The following RBFOX3 variants were observed in gnomAD, a reference collection of about 807,000 sequenced individuals.
RBFOX3 encodes RNA binding fox-1 homolog 3.
In RBFOX3, 17 loss-of-function variants were observed where a neutral mutation model predicts 48.7. That is an observed-to-expected ratio of 0.35 (90% confidence interval 0.24 to 0.52). The LOEUF (loss-of-function observed/expected upper bound fraction) is 0.52. Among genes scored for constraint, RBFOX3 ranks in the 20% least tolerant of loss-of-function variants. The pLI is 0.94. For synonymous variants in RBFOX3, 212 were observed against 209.5 expected (o/e 1.01, Z -0.10); for missense variants, 382 against 497.5 (o/e 0.77, Z 2.21).
intron 9 of RBFOX3, 99 bp from the exon 10 acceptor site, chr17:79,097,844 G>A: frequency 1.5e-6 from 2 of 1,333,606 alleles, no homozygotes; most frequent in East Asian, 2.5e-5. Flanking sequence ...GGAGCCCTTG[G>A]GAACATTCCC....
At chr17:79,572,710 C>A (rs1331294101) in intron 1 of RBFOX3, among the ~76,000 whole-genome samples, 2 of 152,216 alleles carry the variant, frequency 1.3e-5, no homozygotes, top group African/African-American at 4.8e-5. Context: ...TGGCCTACAG[C>A]GGTTTGCAAA....
intron 4 of RBFOX3, among the ~76,000 whole-genome samples, chr17:79,169,758 CTTG>C (rs1330384657): frequency 3.3e-5 from 5 of 152,168 alleles, no homozygotes; most frequent in Non-Finnish European, 7.3e-5. Flanking sequence ...GCATGGTATT[CTTG>C]TTAAGATGGT....
chr17:79,171,011 C>T (rs2049166721), intron 4 of RBFOX3, among the ~76,000 whole-genome samples: 1 of 152,182 alleles, frequency 6.6e-6, no homozygotes, highest in Admixed American at 6.5e-5. Context: ...CCTGAGACAC[C>T]TGCCTAGGTC....
At chr17:79,261,681 C>T (rs2065803821) in intron 3 of RBFOX3, among the ~76,000 whole-genome samples, 2 of 152,218 alleles carry the variant, frequency 1.3e-5, no homozygotes, top group Admixed American at 6.5e-5. Context: ...TGAGCAGCAG[C>T]TCGCACACAG....
intron 2 of RBFOX3, among the ~76,000 whole-genome samples, chr17:79,395,380 A>G (rs2061863764): frequency 6.6e-6 from 1 of 152,166 alleles, no homozygotes; most frequent in African/African-American, 2.4e-5. Context: ...GAGGAACCAC[A>G]CTTCCTGGGG....
intron 9 of RBFOX3, 112 bp downstream of exon 9, chr17:79,101,472 A>C (rs2076424472): frequency 1.0e-6 from 1 of 960,134 alleles, no homozygotes; most frequent in Non-Finnish European, 1.6e-6. Context: ...GACACTGGGG[A>C]CGGAGGCTGC....
chr17:79,505,659 G>A (rs1041363496), intron 1 of RBFOX3, among the ~76,000 whole-genome samples: 110 of 152,328 alleles, frequency 7.2e-4, no homozygotes, highest in African/African-American at 2.6e-3. Context: ...CAAAAGCAGA[G>A]GTGTATGAGC....
At chr17:79,548,034 C>T (rs2090695891) in intron 1 of RBFOX3, among the ~76,000 whole-genome samples, 2 of 152,238 alleles carry the variant, frequency 1.3e-5, no homozygotes, top group African/African-American at 4.8e-5. Flanking sequence ...ATTTCTTTTC[C>T]TGTCTCCACC....
Position 79,391,960 on chromosome 17 carries a change from CT to C in RBFOX3, c.-174-84137del. 6.6e-6 allele frequency among the ~76,000 whole-genome samples: 1 copy of C among 152,208 alleles called. No individual in the cohort carries two copies. ...TTTGCTGAGAAGGCACGTGCTCCCC[CT>C]GGTGGAAGGAAACTTGTATGGCAAC... On this transcript the variant is annotated intron_variant, in intron 2 of 14. Transcript: ENST00000693108. The surrounding 1 kb of genome is among the most constrained non-coding windows in gnomAD (Gnocchi z 5.0).
chr17:79,235,213 T>G (rs913512121), intron 4 of RBFOX3: 2 of 152,092 alleles, frequency 1.3e-5, no homozygotes, highest in Non-Finnish European at 2.9e-5. Flanking sequence ...TACAGAGCAA[T>G]GGACCAATGG....
At chr17:79,211,617 C>T (rs554335418) in intron 4 of RBFOX3, among the ~76,000 whole-genome samples, 5 of 152,302 alleles carry the variant, frequency 3.3e-5, no homozygotes, top group South Asian at 4.1e-4. Flanking sequence ...CTCCTTCCCA[C>T]GCTCAGACTC....
At chr17:79,301,334 G>A (rs181277160) in intron 3 of RBFOX3, among the ~76,000 whole-genome samples, 1 of 152,360 alleles carries the variant, frequency 6.6e-6, no homozygotes, top group Non-Finnish European at 1.5e-5. Flanking sequence ...CCACTGGGGT[G>A]AGCGGCTAAT....
At chr17:79,547,778 C>T (rs906232466) in intron 1 of RBFOX3, among the ~76,000 whole-genome samples, 5 of 152,212 alleles carry the variant, frequency 3.3e-5, no homozygotes, top group African/African-American at 1.2e-4. Flanking sequence ...AGGCAGGGGC[C>T]ACACCACAGC....
intron 1 of RBFOX3, among the ~76,000 whole-genome samples, chr17:79,592,754 T>C (rs2093459569): frequency 6.6e-6 from 1 of 152,220 alleles, no homozygotes; most frequent in African/African-American, 2.4e-5. Flanking sequence ...GGCTGTCGTC[T>C]GTTTCAGACT....
Position 79,115,496 on chromosome 17 carries a change from G to A in RBFOX3, c.220C>T (p.Pro74Ser). 1 of 1,328,442 alleles carries A rather than the reference G, an allele frequency of 7.5e-7. No individual in the cohort carries two copies. The highest frequency in any genetic ancestry group is 9.6e-7 in the Non-Finnish European group (1 of 1,039,502). 82.3% of individuals were successfully genotyped at this position (1,328,442 alleles called of 1,614,324 possible). A position where few individuals can be genotyped will look rare whatever the true frequency, so the allele number is the denominator to read the frequency against. ...TQPIAGTQTVPQTDEAAQTDS... is the reference protein window; with the variant it reads ...TQPIAGTQTVSQTDEAAQTDS... ...CCTGGGGTCGTGGGGGCCCTTACCG[G>A]CACTGTCTGGGTCCCGGCGATGGGC... The change falls in exon 5 of 15, where the codon CCG becomes TCG. Residue 74 changes from proline (P) to serine (S), a missense_variant and splice_region_variant. By Grantham distance (74) the Pro-to-Ser change is moderately conservative (BLOSUM62 -1). This residue lies in a region of RBFOX3 where 118 missense variants were observed against 132.1 expected (regional missense o/e 0.89). Coordinates refer to ENST00000693108, the MANE Select transcript of RBFOX3 (RefSeq NM_001350451.2).
intron 2 of RBFOX3, among the ~76,000 whole-genome samples, chr17:79,358,525 A>G (rs1453374728): frequency 6.6e-6 from 1 of 151,978 alleles, no homozygotes; most frequent in Non-Finnish European, 1.5e-5. Context: ...CAGTGGCATG[A>G]TCTCGGCTTG....
intron 4 of RBFOX3, among the ~76,000 whole-genome samples, chr17:79,146,791 A>G (rs1389897323): frequency 6.6e-6 from 1 of 152,172 alleles, no homozygotes; most frequent in Non-Finnish European, 1.5e-5. Flanking sequence ...GAGGTCCTGC[A>G]GAAGCTGGGG....
At chr17:79,271,117 C>G (rs972097366) in intron 3 of RBFOX3, among the ~76,000 whole-genome samples, 30 of 151,574 alleles carry the variant, frequency 2.0e-4, no homozygotes, top group African/African-American at 7.3e-4. Context: ...CTGTTGTCAC[C>G]CAGGCTGGAG....
intron 4 of RBFOX3, among the ~76,000 whole-genome samples, chr17:79,148,006 C>T (rs1213459868): frequency 6.6e-6 from 1 of 151,706 alleles, no homozygotes; most frequent in African/African-American, 2.4e-5. Context: ...GCCGCCGCTG[C>T]CGTGGGGCCC....
Sources: gnomAD v4.1 joint callset for allele counts (sites outside exome capture counted in the v4.1 genomes callset) on GRCh38, gnomAD v4.1.1 for gene constraint, gnomAD v4.1.1 regional missense constraint, Gnocchi (gnomAD v3.1) non-coding constraint, MANE v1.5 for transcripts, NCBI Gene and HGNC (gene_info 2026-07-23, HGNC 2026-07-21) for gene names.